Variants in CKS2 observed in about 807,000 individuals in gnomAD.
CKS2 encodes CDC28 protein kinase regulatory subunit 2, also known as cyclin-dependent kinases regulatory subunit 2.
A neutral mutation model predicts 14.3 loss-of-function variants in CKS2; 4 were observed. The observed-to-expected ratio is 0.28, with a 90% CI of 0.14 to 0.64. CKS2 has a LOEUF of 0.64. Ranked by LOEUF, CKS2 falls within the 30% of genes least tolerant of loss-of-function variation. The pLI, the probability that CKS2 is intolerant of heterozygous loss-of-function variation, is 0.83. For synonymous variants in CKS2, 33 were observed against 28.7 expected (o/e 1.15, Z -0.48); for missense variants, 71 against 94.3 (o/e 0.75, Z 1.02).
In CKS2 at chr9:89,315,079, T is replaced by C. The variant is rs1280935072; in HGVS notation, c.60-91T>C. On this transcript the variant is annotated intron_variant, in intron 1 of 2. Coordinates refer to ENST00000314355, the MANE Select transcript of CKS2 (RefSeq NM_001827.3). ...AAAGGTAGTAGATTGCAGTTCTCAA[T>C]ATTAAAGCAACAGAGTTCCTTAAGG... The C allele has an allele frequency of 6.1e-6, 7 of 1,150,120 alleles. No homozygotes were observed. The South Asian group carries it at 7.6e-5, about 13-fold the overall frequency. The allele number at this position is 1,150,120 out of a possible 1,614,324, so 71.2% of individuals were successfully genotyped here.
intron 1 of CKS2, among the ~76,000 whole-genome samples, chr9:89,314,341 G>A (rs1456549194): frequency 2.6e-5 from 4 of 152,152 alleles, no homozygotes; most frequent in Admixed American, 2.6e-4. Context: ...ATCTCGTAAG[G>A]CTACAATTAT....
chr9:89,312,522 AAG>A (rs1824638817), intron 1 of CKS2, among the ~76,000 whole-genome samples: 4 of 152,306 alleles, frequency 2.6e-5, no homozygotes, highest in Admixed American at 2.6e-4. Context: ...TTAAGGAAGA[AAG>A]AACAAAACAG....
rs116444716 is a variant in CKS2 at position 89,311,939 on chromosome 9, A to G, written c.59+588A>G. ...TTTTCTTGTTTTTGAAGTGAGTGGTATAAGAATAAGCTTTGGAGGCGACCC... is the reference window on the plus strand; with the variant it reads ...TTTTCTTGTTTTTGAAGTGAGTGGTGTAAGAATAAGCTTTGGAGGCGACCC... On this transcript the variant is annotated intron_variant, in intron 1 of 2. Transcript: ENST00000314355. Among the ~76,000 whole-genome samples, 280 of 152,254 alleles carry G rather than the reference A, an allele frequency of 1.8e-3. 1 individual carries two copies. The highest frequency in any genetic ancestry group is 6.3e-3 in the African/African-American group (261 of 41,538).
At chr9:89,315,712 G>A (rs1824698014) in intron 2 of CKS2, among the ~76,000 whole-genome samples, 2 of 152,086 alleles carry the variant, frequency 1.3e-5, no homozygotes, top group Non-Finnish European at 2.9e-5. Flanking sequence ...TTTAAATGAG[G>A]TAATAGCATA....
intron 1 of CKS2, among the ~76,000 whole-genome samples, chr9:89,314,806 T>G (rs763025216): frequency 1.3e-5 from 2 of 152,212 alleles, no homozygotes; most frequent in Non-Finnish European, 2.9e-5. Context: ...GTTCAGCATG[T>G]TCTTTCCCTT....
intron 2 of CKS2, among the ~76,000 whole-genome samples, chr9:89,315,966 TAAAGA>T (rs931639276): frequency 3.9e-5 from 6 of 152,208 alleles, no homozygotes; most frequent in African/African-American, 1.2e-4. Flanking sequence ...ACTCTGCTGT[TAAAGA>T]AAAGCATTGC....
chr9:89,315,468 T>C (rs1824691194), intron 2 of CKS2, among the ~76,000 whole-genome samples, 171 bp downstream of exon 2: 1 of 150,294 alleles, frequency 6.7e-6, no homozygotes, highest in African/African-American at 2.5e-5. Context: ...TCCAATTTTA[T>C]GGTAAATAAA....
intron 1 of CKS2, 145 bp from the exon 2 acceptor site, chr9:89,315,025 A>G (rs1824682155): frequency 1.8e-6 from 1 of 560,982 alleles, no homozygotes; most frequent in South Asian, 4.0e-5. Context: ...TAGCTCCCTA[A>G]TTTGAACATA....
At chr9:89,314,747 C>T (rs148082839) in intron 1 of CKS2, among the ~76,000 whole-genome samples, 1 of 152,296 alleles carries the variant, frequency 6.6e-6, no homozygotes, top group Non-Finnish European at 1.5e-5. Context: ...GATTCCTGCT[C>T]TGGCTCCCTG....
chr9:89,316,636 CTT>C lies in CKS2; in HGVS notation c.*212_*213del. On this transcript the variant is annotated 3_prime_UTR_variant, in exon 3 of 3. Transcript: ENST00000314355. ...AAAAGTTCTTCCAGTCAGTTTTTCT[CTT>C]AAGTGCCTGTTTGAGTTTACTGAAA... 1 of 408,402 alleles carries C rather than the reference CTT, an allele frequency of 2.4e-6. No individual in the cohort carries two copies. The highest frequency in any genetic ancestry group is 3.6e-5 in the East Asian group (1 of 27,900). The allele number at this position is 408,402 out of a possible 1,614,324, so 25.3% of individuals were successfully genotyped here.
At chr9:89,314,018 C>T (rs946129711) in intron 1 of CKS2, among the ~76,000 whole-genome samples, 4 of 152,154 alleles carry the variant, frequency 2.6e-5, no homozygotes, top group African/African-American at 9.7e-5. Flanking sequence ...GTGCTTATAG[C>T]GGGTTAGGGA....
intron 1 of CKS2, among the ~76,000 whole-genome samples, chr9:89,311,809 A>G (rs1056529854): frequency 6.6e-6 from 1 of 152,208 alleles, no homozygotes; most frequent in Non-Finnish European, 1.5e-5. Context: ...AGCAACCGTG[A>G]CACACTTTCC....
At chr9:89,313,691 T>C (rs1407088038) in intron 1 of CKS2, among the ~76,000 whole-genome samples, 8 of 152,206 alleles carry the variant, frequency 5.3e-5, no homozygotes, top group East Asian at 1.9e-4. Context: ...GTAAGTTTGA[T>C]AGAAAAGGTA....
intron 1 of CKS2, among the ~76,000 whole-genome samples, chr9:89,313,242 A>C (rs1308703296): frequency 6.6e-6 from 1 of 152,080 alleles, no homozygotes; most frequent in Admixed American, 6.5e-5. Flanking sequence ...GCTAGTATTT[A>C]TTTTTCCCAG....
At chr9:89,314,931 T>G (rs1193091422) in intron 1 of CKS2, among the ~76,000 whole-genome samples, 1 of 152,210 alleles carries the variant, frequency 6.6e-6, no homozygotes, top group East Asian at 1.9e-4. Flanking sequence ...CTGAAGAAGA[T>G]TAAGGCAACT....
In CKS2 at chr9:89,316,395, A is replaced by T. The variant is rs767997911; in HGVS notation, c.210A>T (p.Arg70Ser). ...HEPEPHILLF[R>S]RPLPKDQQK Reference sequence around the variant, plus strand: ...CAGAACCACATATTCTTCTCTTTAGACGACCTCTTCCAAAAGATCAACAAA... The same window carrying T: ...CAGAACCACATATTCTTCTCTTTAGTCGACCTCTTCCAAAAGATCAACAAA... Residue 70 changes from arginine to serine, a missense_variant, in exon 3 of 3, where the codon AGA becomes AGT. Coordinates refer to ENST00000314355, the MANE Select transcript of CKS2 (RefSeq NM_001827.3). The T allele has an allele frequency of 6.3e-7, 1 of 1,596,172 alleles. No homozygotes were observed. The highest frequency in any genetic ancestry group is 1.7e-5 in the Admixed American group (1 of 59,232).
At chr9:89,311,471 C>G (rs2131461405) in intron 1 of CKS2, 120 bp downstream of exon 1, 1 of 643,020 alleles carries the variant, frequency 1.6e-6, no homozygotes, top group Non-Finnish European at 2.4e-6. Flanking sequence ...AGCCCGGGGC[C>G]GGAGGGCGAG....
chr9:89,311,461 A>T (rs1824606826), intron 1 of CKS2, 110 bp downstream of exon 1: 1 of 698,360 alleles, frequency 1.4e-6, no homozygotes, highest in Non-Finnish European at 2.2e-6. Context: ...TGGGGGGCGG[A>T]GCCCGGGGCC....
intron 1 of CKS2, among the ~76,000 whole-genome samples, chr9:89,312,994 A>C (rs3211673): frequency 0.05 from 7,670 of 152,270 alleles, 258 homozygotes; most frequent in South Asian, 0.098. Context: ...AATATACTCA[A>C]ATGATTTGTG....
Sources: allele counts gnomAD v4.1 joint callset (sites outside exome capture counted in the v4.1 genomes callset), GRCh38; gene constraint gnomAD v4.1.1; transcripts MANE v1.5; gene names NCBI Gene and HGNC (gene_info 2026-07-23, HGNC 2026-07-21).